The following ARMCX4 variants were observed in gnomAD, a reference collection of about 807,000 sequenced individuals.
The protein encoded by ARMCX4 is armadillo repeat-containing X-linked protein 4.
A neutral mutation model predicts 34.7 loss-of-function variants in ARMCX4; 3 were observed. The ratio of observed to expected loss-of-function variants is 0.09; its 90% CI spans 0.04 to 0.22. The LOEUF (loss-of-function observed/expected upper bound fraction) is 0.22. ARMCX4 is among the 10% of genes least tolerant of loss of function. The probability of loss-of-function intolerance (pLI) is 1.00; values close to 1 mark genes in which losing one functional copy is unlikely to be tolerated. For synonymous variants in ARMCX4, 513 were observed against 632.8 expected, an observed-to-expected ratio of 0.81 and a Z score of 2.84; for missense variants, 1,448 against 1,720.8, an observed-to-expected ratio of 0.84 and a Z score of 2.81.
In ARMCX4 at chrX:101,492,817, G is replaced by C; in HGVS notation, c.4228G>C (p.Gly1410Arg). The change falls in exon 6 of 6, where the codon GGT (glycine) becomes CGT (arginine). Residue 1410 changes from glycine (G) to arginine (R), a missense_variant. Transcript: ENST00000423738. Reference sequence around the variant, plus strand: ...TTGGGCTGGGGCTGGTGGCCAGGCTGGTGGAGGGTCCAAGGTGGGGCCTGA... The same window carrying C: ...TTGGGCTGGGGCTGGTGGCCAGGCTCGTGGAGGGTCCAAGGTGGGGCCTGA... ...GSWAGAGGQAGGGSKVGPEDQ... is the reference protein window; with the variant it reads ...GSWAGAGGQARGGSKVGPEDQ... The C allele has an allele frequency of 8.7e-7, 1 of 1,150,976 alleles. No individual in the cohort carries two copies. Among genetic ancestry groups the C allele is most frequent in the Non-Finnish European group, 1.1e-6 (1 of 870,707 alleles). The allele number at this position is 1,150,976 out of a possible 1,213,427, so 94.9% of individuals were successfully genotyped here. A position where few individuals can be genotyped will look rare whatever the true frequency, so the allele number is the denominator to read the frequency against.
intron 12 of ARMCX4, chrX:101,532,844 T>A (rs1277199171): frequency 9.0e-6 from 1 of 111,627 alleles, no homozygotes; most frequent in Non-Finnish European, 1.9e-5. Context: ...CTTGAGATAA[T>A]TGTTATAAAT....
intron 8 of ARMCX4, among the ~76,000 whole-genome samples, chrX:101,507,166 T>A (rs1324103888): frequency 2.7e-5 from 3 of 110,992 alleles, no homozygotes; most frequent in Non-Finnish European, 5.7e-5. Context: ...ACATTATGTC[T>A]ATGTAAGGAT....
At chrX:101,512,117 C>T (rs1217959686) in intron 11 of ARMCX4, among the ~76,000 whole-genome samples, 1 of 111,194 alleles carries the variant, frequency 9.0e-6, no homozygotes, top group Non-Finnish European at 1.9e-5. Flanking sequence ...TGCGGCCGCT[C>T]ACGCCTGTAA....
At chrX:101,432,998 A>AAACGTG (rs1277665191) in intron 2 of ARMCX4, among the ~76,000 whole-genome samples, 2 of 97,809 alleles carry the variant, frequency 2.0e-5, no homozygotes, top group Non-Finnish European at 4.2e-5. Flanking sequence ...ATGTATACAT[A>AAACGTG]TATGTGTATA....
Position 101,491,727 on chromosome X carries a change from C to A in ARMCX4, c.3138C>A (p.Asp1046Glu). The stretch of plus-strand genomic sequence containing the variant: ...GTGAGACCTTGCCTGGGGCAAGGGA[C>A]AAGTCTATGTCCACTTCTGAGGCAG... Reference protein sequence around the residue: ...SQGETLPGARDKSMSTSEAEA... With the variant: ...SQGETLPGAREKSMSTSEAEA... Residue 1046 changes from aspartate (D) to glutamate (E), a missense_variant, in exon 6 of 6, where the codon GAC (aspartate) becomes GAA (glutamate). Physicochemically the swap from Asp to Glu is conservative, Grantham distance 45. Transcript: ENST00000423738. 1.7e-6 allele frequency: 2 copies of A among 1,156,216 alleles called. No individual in the cohort carries two copies. The highest frequency in any genetic ancestry group is 2.3e-6 in the Non-Finnish European group (2 of 872,732).
In ARMCX4 at chrX:101,494,657, A is replaced by G; in HGVS notation, c.6068A>G (p.Glu2023Gly). Residue 2023 changes from glutamate (E) to glycine (G), a missense_variant, in exon 6 of 6, where the codon GAA becomes GGA. Glu to Gly is a moderately conservative substitution (Grantham distance 98, BLOSUM62 -2). Coordinates refer to ENST00000423738, the MANE Select transcript of ARMCX4 (RefSeq NM_001256155.3). ...TCCAGAAAACAAACCAGGACTGGGG[A>G]AAAAACTCGGCCCTGGTCTTGCCGC... ...DESRKQTRTG[E>G]KTRPWSCRCK... 3.5e-6 allele frequency: 4 copies of G among 1,155,903 alleles called. No individual in the cohort carries two copies. Among genetic ancestry groups the G allele is most frequent in the Non-Finnish European group, 4.6e-6 (4 of 872,921 alleles).
chrX:101,458,092 A>G (rs1408232080), intron 4 of ARMCX4, among the ~76,000 whole-genome samples: 1 of 110,926 alleles, frequency 9.0e-6, no homozygotes, highest in Admixed American at 9.6e-5. Flanking sequence ...GGTCACTGTG[A>G]GGGGCAATTT....
chrX:101,479,216 AC>A (rs1933327524), intron 4 of ARMCX4, among the ~76,000 whole-genome samples: 1 of 109,304 alleles, frequency 9.1e-6, no homozygotes, highest in South Asian at 4.0e-4. Flanking sequence ...AATATAATGT[AC>A]AAAAAGCCAC....
chrX:101,519,114 G>C (rs1051244370), intron 11 of ARMCX4, among the ~76,000 whole-genome samples: 2 of 111,200 alleles, frequency 1.8e-5, no homozygotes, highest in Non-Finnish European at 3.8e-5. Flanking sequence ...TCACTTGGCT[G>C]CCTTTGATAT....
intron 2 of ARMCX4, among the ~76,000 whole-genome samples, chrX:101,439,361 C>T (rs782393712): frequency 1.8e-5 from 2 of 111,719 alleles, no homozygotes; most frequent in South Asian, 7.4e-4. Context: ...GATGGGCTTC[C>T]CTTTGTGGGT....
chrX:101,494,200 G>T lies in ARMCX4; in HGVS notation c.5611G>T (p.Ala1871Ser). Residue 1871 changes from alanine to serine, a missense_variant, in exon 6 of 6, where the codon GCT (alanine) becomes TCT (serine). Around this residue, in one of 2 missense-constraint regions of ARMCX4, gnomAD observed 1,343 missense variants for 1,540.7 expected, o/e 0.87. Coordinates refer to ENST00000423738, the MANE Select transcript of ARMCX4 (RefSeq NM_001256155.3). ...VESRLGAGEE[A>S]GVESWTLARN... The stretch of plus-strand genomic sequence containing the variant: ...GTCTAGGCTTGGGGCTGGGGAAGAG[G>T]CTGGTGTAGAGTCCTGGACCTTGGC... The T allele has an allele frequency of 8.7e-7, 1 of 1,150,692 alleles. No homozygotes were observed. Among genetic ancestry groups the T allele is most frequent in the Admixed American group, 2.6e-5 (1 of 38,382 alleles). The allele number at this position is 1,150,692 out of a possible 1,213,427, so 94.8% of individuals were successfully genotyped here.
chrX:101,477,051 A>T (rs2147639942), intron 4 of ARMCX4, among the ~76,000 whole-genome samples: 1 of 111,657 alleles, frequency 9.0e-6, no homozygotes, highest in South Asian at 3.7e-4. Flanking sequence ...CTCAAATTGA[A>T]ATTTCAGACA....
intron 2 of ARMCX4, among the ~76,000 whole-genome samples, chrX:101,438,088 G>C (rs1555995535): frequency 9.0e-6 from 1 of 111,387 alleles, no homozygotes; most frequent in African/African-American, 3.3e-5. Context: ...CCAAGTATGT[G>C]GTCAATTTTG....
At chrX:101,521,328 A>G (rs1382220766) in intron 11 of ARMCX4, among the ~76,000 whole-genome samples, 4 of 111,538 alleles carry the variant, frequency 3.6e-5, no homozygotes, top group South Asian at 3.7e-4. Flanking sequence ...AATTTCATAT[A>G]TGATATCTAA....
At chrX:101,437,756 A>C (rs782260780) in intron 2 of ARMCX4, among the ~76,000 whole-genome samples, 29 of 111,509 alleles carry the variant, frequency 2.6e-4, no homozygotes, top group African/African-American at 7.8e-4. Flanking sequence ...AATTTTAGAT[A>C]TTTCCTGCTT....
Position 101,488,930 on chromosome X carries a change from A to G in ARMCX4, c.341A>G (p.Gln114Arg). 1 of 1,156,326 alleles carries G rather than the reference A, an allele frequency of 8.6e-7. No individual in the cohort carries two copies. Among genetic ancestry groups the G allele is most frequent in the Non-Finnish European group, 1.1e-6 (1 of 873,072 alleles). Residue 114 changes from glutamine to arginine, a missense_variant, in exon 6 of 6, where the codon CAA (glutamine) becomes CGA (arginine). Gln to Arg is a conservative substitution (Grantham distance 43). This residue lies in a region of ARMCX4 where 1,343 missense variants were observed against 1,540.7 expected (regional missense o/e 0.87). Transcript: ENST00000423738. ...KAMVGAEPET[Q>R]SESKVVAGTL... ...ATGGTTGGGGCAGAGCCAGAGACTC[A>G]ATCTGAGTCCAAAGTGGTGGCTGGA...
chrX:101,516,820 C>A (rs185318118), intron 11 of ARMCX4: 1 of 111,381 alleles, frequency 9.0e-6, no homozygotes, highest in African/African-American at 3.3e-5. Context: ...CTCTCCAGCA[C>A]AAGCACCGTC....
chrX:101,509,612 G>A (rs1934532418), exon 10 of ARMCX4: 1 of 110,956 alleles, frequency 9.0e-6, no homozygotes, highest in African/African-American at 3.3e-5. Context: ...CATTGCCCAG[G>A]ATGGCCTTGA....
chrX:101,489,777 G>A lies in ARMCX4; in HGVS notation c.1188G>A (p.Met396Ile), dbSNP rs1933894930. 4 of 1,155,875 alleles carry A rather than the reference G, an allele frequency of 3.5e-6. No individual in the cohort carries two copies. Among genetic ancestry groups the A allele is most frequent in the Non-Finnish European group, 4.6e-6 (4 of 872,915 alleles). Residue 396 changes from methionine to isoleucine, a missense_variant, in exon 6 of 6, where the codon ATG becomes ATA. By Grantham distance (10) the Met-to-Ile change is conservative. Transcript: ENST00000423738. ...CTAAGGCAATAACTGGAGCTGACAT[G>A]AGAGCTGCTGCTCAGCCTCAAGCTG... Reference protein sequence around the residue: ...VISKAITGADMRAAAQPQAVA... With the variant: ...VISKAITGADIRAAAQPQAVA...
Sources: allele counts gnomAD v4.1 joint callset (sites outside exome capture counted in the v4.1 genomes callset), GRCh38; gene constraint gnomAD v4.1.1; regional missense constraint gnomAD v4.1.1; transcripts MANE v1.5; gene names NCBI Gene and HGNC (gene_info 2026-07-23, HGNC 2026-07-21).